DPH6: variants seen among roughly 807,000 people sequenced by gnomAD.
DPH6 encodes the protein diphthamine biosynthesis 6.
Under a neutral mutation model 38.2 loss-of-function variants are expected in DPH6, and 33 were observed. That is an observed-to-expected ratio of 0.86 (90% confidence interval 0.65 to 1.15). The LOEUF (loss-of-function observed/expected upper bound fraction) is 1.15, where lower values mean the gene tolerates loss of function less well. Ranked by LOEUF, DPH6 falls within the 50% of genes most tolerant of loss-of-function variation. DPH6 has a pLI of 0.00. For synonymous variants in DPH6, 108 were observed against 103.0 expected, an observed-to-expected ratio of 1.05 and a Z score of -0.30; for missense variants, 325 against 320.0, an observed-to-expected ratio of 1.02 and a Z score of -0.12.
chr15:35,167,125 C>T, the DPH6 span, among the ~76,000 whole-genome samples: 30 of 152,036 alleles, frequency 2.0e-4, no homozygotes, highest in Non-Finnish European at 3.2e-4. Context: ...TTAAATTATG[C>T]TTTAAAACTT....
At chr15:35,189,984 C>T in the DPH6 span, among the ~76,000 whole-genome samples, 2 of 152,156 alleles carry the variant, frequency 1.3e-5, no homozygotes, top group African/African-American at 4.8e-5. Context: ...GGTGTGGTTA[C>T]ATTTCTGTCT....
chr15:35,287,954 G>A (rs1378042597), intron 3 of DPH6, among the ~76,000 whole-genome samples: 4 of 152,150 alleles, frequency 2.6e-5, no homozygotes, highest in Non-Finnish European at 4.4e-5. Flanking sequence ...CAAAGACAGT[G>A]GCATCACTGT....
At chr15:35,318,260 G>A (rs1199916476) in intron 3 of DPH6, among the ~76,000 whole-genome samples, 1 of 151,982 alleles carries the variant, frequency 6.6e-6, no homozygotes, top group African/African-American at 2.4e-5. Context: ...TATTATTGAA[G>A]TGGAACATGT....
At chr15:35,530,050 T>C (rs1052734074) in intron 3 of DPH6, among the ~76,000 whole-genome samples, 4 of 152,214 alleles carry the variant, frequency 2.6e-5, no homozygotes, top group East Asian at 1.9e-4. Context: ...GGATCTATTA[T>C]TGTGTGACCA....
chr15:35,268,169 CAAAAAATAAATA>C lies in DPH6; in HGVS notation n.201-47599_201-47588del, dbSNP rs1273003725. ...TGGGCGACAGAGCGAGACTCTGTCT[CAAAAAATAAATA>C]AATAAATAAATAAATAAATAAATAA... is the stretch of plus-strand genomic sequence containing the variant. On this transcript the variant is annotated intron_variant and non_coding_transcript_variant, in intron 3 of 3. Coordinates refer to the DPH6 transcript ENST00000560386. Among the ~76,000 whole-genome samples, 7 of 112,902 alleles carry C rather than the reference CAAAAAATAAATA, an allele frequency of 6.2e-5. No individual in the cohort carries two copies. In the East Asian group the frequency reaches 1.0e-3, roughly 17 times the overall value. 74.1% of individuals were successfully genotyped at this position (112,902 alleles called of 152,430 possible).
intron 3 of DPH6, among the ~76,000 whole-genome samples, chr15:35,530,690 T>C (rs997818666): frequency 1.3e-5 from 2 of 152,214 alleles, no homozygotes; most frequent in Non-Finnish European, 1.5e-5. Flanking sequence ...GGGGAATTTA[T>C]AGATGAAGGC....
rs567945688 is a variant in DPH6, at chr15:35,408,971, A to C, written c.567+1864T>G. ...GAAAGGGGGTCTTTAGGATGGGACA[A>C]TCTGTATTATGTTTTGATATTGATA... On this transcript the variant is annotated intron_variant, in intron 6 of 8. Coordinates refer to ENST00000256538, the MANE Select transcript of DPH6 (RefSeq NM_080650.4). 4.6e-5 allele frequency among the ~76,000 whole-genome samples: 7 copies of C among 151,994 alleles called. No homozygotes were observed. The East Asian group carries it at 1.2e-3, about 25-fold the overall frequency.
At chr15:35,403,720 C>G (rs1274661275) in intron 6 of DPH6, among the ~76,000 whole-genome samples, 1 of 151,898 alleles carries the variant, frequency 6.6e-6, no homozygotes, top group African/African-American at 2.4e-5. Flanking sequence ...ATTGCCCAGG[C>G]TGGTCTTGAA....
At chr15:35,513,179 C>T (rs1017091632) in intron 3 of DPH6, among the ~76,000 whole-genome samples, 4 of 152,044 alleles carry the variant, frequency 2.6e-5, no homozygotes, top group South Asian at 2.1e-4. Context: ...TATAAAAATA[C>T]ATCAAAATGT....
chr15:35,536,736 C>A lies in DPH6; in HGVS notation c.312+1538G>T, dbSNP rs190983336. On this transcript the variant is annotated intron_variant, in intron 3 of 8. Coordinates refer to ENST00000256538, the MANE Select transcript of DPH6 (RefSeq NM_080650.4). ...TATTGGTTTATATAAAAACTTAATG[C>A]CCAAATTCTTTGTACCATGAGAAAG... Among the ~76,000 whole-genome samples the A allele has an allele frequency of 2.1e-3, 325 of 152,006 alleles. 2 individuals carry two copies. The highest frequency in any genetic ancestry group is 7.6e-3 in the African/African-American group (315 of 41,478).
chr15:35,452,943 A>G (rs1365463287), intron 4 of DPH6, among the ~76,000 whole-genome samples: 1 of 152,192 alleles, frequency 6.6e-6, no homozygotes, highest in Non-Finnish European at 1.5e-5. Context: ...TTTTACGATA[A>G]GGACAGGAAG....
chr15:35,487,679 A>G (rs73382713), intron 3 of DPH6, among the ~76,000 whole-genome samples: 14,604 of 152,186 alleles, frequency 0.096, 940 homozygotes, highest in African/African-American at 0.18. Context: ...GATCTCTGAC[A>G]TGCCCTGGAA....
At chr15:35,215,561 T>A (rs912540415), downstream of DPH6, among the ~76,000 whole-genome samples, 37 of 151,698 alleles carry the variant, frequency 2.4e-4, no homozygotes, top group East Asian at 1.5e-3. Context: ...TTAAAAAAAA[T>A]TTTTTTTTGT....
intron 3 of DPH6, among the ~76,000 whole-genome samples, chr15:35,260,010 C>A (rs2140416930): frequency 6.6e-6 from 1 of 152,254 alleles, no homozygotes; most frequent in East Asian, 1.9e-4. Flanking sequence ...TCCAATTAAC[C>A]CCAATAATCT....
At chr15:35,351,800 C>A (rs1409731983) in intron 3 of DPH6, among the ~76,000 whole-genome samples, 1 of 151,302 alleles carries the variant, frequency 6.6e-6, no homozygotes, top group Non-Finnish European at 1.5e-5. Context: ...TGGCTCACTG[C>A]AGCACTGAAC....
chr15:35,350,662 C>T (rs554610199), intron 3 of DPH6, among the ~76,000 whole-genome samples: 5 of 152,180 alleles, frequency 3.3e-5, no homozygotes, highest in South Asian at 2.1e-4. Context: ...AAGATATTTT[C>T]GCATTTCTCT....
At chr15:35,392,564 A>AC (rs2053075173) in intron 6 of DPH6, among the ~76,000 whole-genome samples, 1 of 152,232 alleles carries the variant, frequency 6.6e-6, no homozygotes, top group Admixed American at 6.5e-5. Flanking sequence ...TATTTACTGA[A>AC]TATCTACTCT....
At chr15:35,313,845 A>G (rs2052164915) in intron 3 of DPH6, among the ~76,000 whole-genome samples, 1 of 152,188 alleles carries the variant, frequency 6.6e-6, no homozygotes, top group African/African-American at 2.4e-5. Flanking sequence ...AAACTACTAG[A>G]AGAAAACATT....
At chr15:35,226,410 T>C (rs914224043) in intron 3 of DPH6, among the ~76,000 whole-genome samples, 4 of 151,976 alleles carry the variant, frequency 2.6e-5, no homozygotes, top group Non-Finnish European at 4.4e-5. Context: ...GGAGTGGTAA[T>C]AGAGGAAAGT....
Sources: allele counts gnomAD v4.1 joint callset (sites outside exome capture counted in the v4.1 genomes callset), GRCh38; gene constraint gnomAD v4.1.1; transcripts MANE v1.5; gene names NCBI Gene and HGNC (gene_info 2026-07-23, HGNC 2026-07-21).